The following AIG1 variants were observed in gnomAD, a reference collection of about 807,000 sequenced individuals.
AIG1 encodes the protein androgen induced 1.
A neutral mutation model predicts 31.4 loss-of-function variants in AIG1; 23 were observed. That is an observed-to-expected ratio of 0.73 (90% CI 0.53 to 1.04). AIG1 has a LOEUF of 1.04. AIG1 is among the 50% of genes least tolerant of loss of function. The probability of loss-of-function intolerance (pLI) is 0.00; values close to 1 mark genes in which losing one functional copy is unlikely to be tolerated. For synonymous variants in AIG1, 100 were observed against 110.5 expected, an observed-to-expected ratio of 0.90 and a Z score of 0.60; for missense variants, 274 against 295.0, an observed-to-expected ratio of 0.93 and a Z score of 0.52.
At chr6:143,110,428 T>C (rs915494226) in intron 1 of AIG1, among the ~76,000 whole-genome samples, 2 of 152,198 alleles carry the variant, frequency 1.3e-5, no homozygotes, top group African/African-American at 4.8e-5. Flanking sequence ...ATATTGTACC[T>C]TCCAGGAACC....
At chr6:143,105,301 G>A (rs1029451283) in intron 1 of AIG1, among the ~76,000 whole-genome samples, 1 of 152,306 alleles carries the variant, frequency 6.6e-6, no homozygotes, top group South Asian at 2.1e-4. Flanking sequence ...ACCCTGCATG[G>A]CCCTCAGAAG....
In AIG1 at chr6:143,284,404, A is replaced by C. The variant is rs556372072; in HGVS notation, c.515+179A>C. Among the ~76,000 whole-genome samples the C allele has an allele frequency of 1.9e-4, 29 of 152,354 alleles. No homozygotes were observed. The highest frequency in any genetic ancestry group is 6.7e-4 in the African/African-American group (28 of 41,578). ...TTATATTTTTAGAAAGTATATGCCAAACCTCACACAACAGGAATTTGTTGA... is the reference window on the plus strand; with the variant it reads ...TTATATTTTTAGAAAGTATATGCCACACCTCACACAACAGGAATTTGTTGA... On this transcript the variant is annotated intron_variant, in intron 4 of 5. Coordinates refer to ENST00000357847, the MANE Select transcript of AIG1 (RefSeq NM_016108.4). This position sits in a 1 kb window ranked among gnomAD's most constrained non-coding sequence, Gnocchi z 4.4.
At chr6:143,235,118 A>G (rs1344179214) in intron 3 of AIG1, among the ~76,000 whole-genome samples, 1 of 152,188 alleles carries the variant, frequency 6.6e-6, no homozygotes, top group East Asian at 1.9e-4. Flanking sequence ...TTAAAGATGA[A>G]CAACAGATGA....
chr6:143,067,027 G>A (rs1365854443), intron 1 of AIG1, among the ~76,000 whole-genome samples: 1 of 152,018 alleles, frequency 6.6e-6, no homozygotes, highest in African/African-American at 2.4e-5. Flanking sequence ...ATTATTTGGG[G>A]GTGCTTGCAT....
intron 1 of AIG1, among the ~76,000 whole-genome samples, chr6:143,104,735 CAAAAATA>C (rs1051490180): frequency 1.3e-5 from 2 of 151,748 alleles, no homozygotes; most frequent in Non-Finnish European, 2.9e-5. Context: ...TTCATCTCTA[CAAAAATA>C]AAAAATAAAA....
intron 3 of AIG1, among the ~76,000 whole-genome samples, chr6:143,208,906 A>C (rs1415073373): frequency 6.6e-6 from 1 of 152,116 alleles, no homozygotes; most frequent in Non-Finnish European, 1.5e-5. Context: ...AGCTGCAGAG[A>C]GAAGCGATTG....
chr6:143,218,296 T>C (rs1320725456), intron 3 of AIG1, among the ~76,000 whole-genome samples: 2 of 152,198 alleles, frequency 1.3e-5, no homozygotes, highest in African/African-American at 2.4e-5. Flanking sequence ...GTGAAAATGC[T>C]TGGGTCACCT....
chr6:143,301,781 G>T (rs935657573), intron 4 of AIG1, among the ~76,000 whole-genome samples: 2 of 152,092 alleles, frequency 1.3e-5, no homozygotes, highest in African/African-American at 4.8e-5. Flanking sequence ...GTGAGATTTG[G>T]GTGGGAACAC....
At chr6:143,078,817 C>T (rs1174339998) in intron 1 of AIG1, among the ~76,000 whole-genome samples, 1 of 152,138 alleles carries the variant, frequency 6.6e-6, no homozygotes, top group African/African-American at 2.4e-5. Context: ...ACAGCCAAAC[C>T]ATATCAAACA....
chr6:143,125,686 G>A (rs990543103), intron 1 of AIG1, among the ~76,000 whole-genome samples: 3 of 152,180 alleles, frequency 2.0e-5, no homozygotes, highest in Non-Finnish European at 2.9e-5. Flanking sequence ...TGGCGTGACT[G>A]TACCCATTAC....
intron 5 of AIG1, among the ~76,000 whole-genome samples, chr6:143,336,428 G>A (rs777011992): frequency 6.6e-6 from 1 of 152,168 alleles, no homozygotes; most frequent in Non-Finnish European, 1.5e-5. Flanking sequence ...GGCAGAGCCA[G>A]TGCCTTCTAA....
At chr6:143,233,111 T>G (rs1175592694) in intron 3 of AIG1, among the ~76,000 whole-genome samples, 2 of 152,140 alleles carry the variant, frequency 1.3e-5, no homozygotes, top group Non-Finnish European at 2.9e-5. Flanking sequence ...TCTGGACCCC[T>G]GGGATCTGCC....
rs1438059079 is a variant in AIG1 at position 143,339,779 on chromosome 6, C to T, written c.*103C>T. 7.7e-6 allele frequency: 9 copies of T among 1,162,430 alleles called. No individual in the cohort carries two copies. The highest frequency in any genetic ancestry group is 1.1e-5 in the Non-Finnish European group (9 of 802,420). 72.0% of individuals were successfully genotyped at this position (1,162,430 alleles called of 1,614,324 possible). ...AAAAGGCTTCAAAGGAACTTGGTGG[C>T]ATCAGCACCCCCCTCCCCCAATGAG... On this transcript the variant is annotated 3_prime_UTR_variant, in exon 6 of 6. Coordinates refer to ENST00000357847, the MANE Select transcript of AIG1 (RefSeq NM_016108.4).
In AIG1 at chr6:143,297,442, G is replaced by C. The variant is rs1178000858; in HGVS notation, c.515+13217G>C. On this transcript the variant is annotated intron_variant, in intron 4 of 5. Transcript: ENST00000357847. The surrounding 1 kb of genome is among the most constrained non-coding windows in gnomAD (Gnocchi z 5.1). Reference sequence around the variant, plus strand: ...GACTGGTTATTTCATGATTGGGTGGGTGGTTATTTAGATGATTGGTTGGTT... The same window carrying C: ...GACTGGTTATTTCATGATTGGGTGGCTGGTTATTTAGATGATTGGTTGGTT... Among the ~76,000 whole-genome samples, 5 of 152,084 alleles carry C rather than the reference G, an allele frequency of 3.3e-5. No individual in the cohort carries two copies. The highest frequency in any genetic ancestry group is 1.2e-4 in the African/African-American group (5 of 41,396).
rs1277229953 is a variant in AIG1 at position 143,196,390 on chromosome 6, CACA to C, written c.399+31208_399+31210del. 7.3e-3 allele frequency among the ~76,000 whole-genome samples: 1,094 copies of C among 149,820 alleles called. 13 individuals are homozygous for C. Among genetic ancestry groups the C allele is most frequent in the Admixed American group, 0.011 (172 of 15,140 alleles). The stretch of plus-strand genomic sequence containing the variant: ...ACACACACACACACACACACACACA[CACA>C]CACCCCAATTTGATAAGTTGGAAAA... On this transcript the variant is annotated intron_variant, in intron 3 of 5. Transcript: ENST00000357847.
chr6:143,221,244 C>T (rs905030587), intron 3 of AIG1, among the ~76,000 whole-genome samples: 4 of 152,046 alleles, frequency 2.6e-5, no homozygotes, highest in Admixed American at 1.3e-4. Context: ...TGTCTTCATA[C>T]GAAAAAGGTT....
At chr6:143,123,931 T>C (rs1782447428) in intron 1 of AIG1, among the ~76,000 whole-genome samples, 1 of 152,210 alleles carries the variant, frequency 6.6e-6, no homozygotes, top group South Asian at 2.1e-4. Flanking sequence ...CTGATCTACT[T>C]TCTTTGGAAG....
In AIG1 at chr6:143,279,117, T is replaced by C. The variant is rs1797165906; in HGVS notation, c.400-4993T>C. On this transcript the variant is annotated intron_variant, in intron 3 of 5. Transcript: ENST00000357847. This position sits in a 1 kb window ranked among gnomAD's most constrained non-coding sequence, Gnocchi z 5.4. ...GTACGTGTGTATACGTATATGATGTTTTATGACAGCATTGGTATACAGATG... is the reference window on the plus strand; with the variant it reads ...GTACGTGTGTATACGTATATGATGTCTTATGACAGCATTGGTATACAGATG... 6.6e-6 allele frequency among the ~76,000 whole-genome samples: 1 copy of C among 152,202 alleles called. No homozygotes were observed. Among genetic ancestry groups the C allele is most frequent in the South Asian group, 2.1e-4 (1 of 4,832 alleles).
At chr6:143,157,671 A>G (rs1363844525) in intron 2 of AIG1, among the ~76,000 whole-genome samples, 4 of 151,784 alleles carry the variant, frequency 2.6e-5, no homozygotes, top group African/African-American at 4.8e-5. Context: ...TTTCAGTTTT[A>G]TTTTTTATAT....
Sources: allele counts gnomAD v4.1 joint callset (sites outside exome capture counted in the v4.1 genomes callset), GRCh38; gene constraint gnomAD v4.1.1; non-coding constraint Gnocchi (gnomAD v3.1); transcripts MANE v1.5; gene names NCBI Gene and HGNC (gene_info 2026-07-23, HGNC 2026-07-21).